TRAPPC9: variants seen among roughly 807,000 people sequenced by gnomAD.
The protein encoded by TRAPPC9 is trafficking protein particle complex subunit 9, also known as IKK2 binding protein.
In TRAPPC9, 83 loss-of-function variants were observed where a neutral mutation model predicts 124.0. That is an observed-to-expected ratio of 0.67 (90% CI 0.56 to 0.80). TRAPPC9 has a LOEUF of 0.80. TRAPPC9 is among the 30% of genes least tolerant of loss of function. The pLI, the probability that TRAPPC9 is intolerant of heterozygous loss-of-function variation, is 0.00. For synonymous variants in TRAPPC9, 638 were observed against 617.5 expected (o/e 1.03, Z -0.49); for missense variants, 1,302 against 1,508.3 (o/e 0.86, Z 2.27).
intron 21 of TRAPPC9, among the ~76,000 whole-genome samples, chr8:139,863,375 G>C (rs1223256490): frequency 6.6e-6 from 1 of 152,226 alleles, no homozygotes; most frequent in Non-Finnish European, 1.5e-5. Flanking sequence ...GGCACGGAGG[G>C]CCCAAAGAAG....
intron 17 of TRAPPC9, among the ~76,000 whole-genome samples, chr8:140,051,537 C>T (rs1842000472): frequency 6.6e-6 from 1 of 151,896 alleles, no homozygotes; most frequent in Admixed American, 6.6e-5. Flanking sequence ...GCTTCCTCCT[C>T]CCACCCCATG....
intron 21 of TRAPPC9, among the ~76,000 whole-genome samples, chr8:139,882,948 C>T (rs947299465): frequency 2.6e-5 from 4 of 152,198 alleles, no homozygotes; most frequent in Middle Eastern, 6.8e-3. Context: ...CCTGAGCCCC[C>T]CTATGAAAAA....
chr8:139,864,141 G>A (rs1828362724), intron 21 of TRAPPC9, among the ~76,000 whole-genome samples: 1 of 152,172 alleles, frequency 6.6e-6, no homozygotes, highest in African/African-American at 2.4e-5. Context: ...TGGCGCCCAG[G>A]ACTCTTTCCT....
At chr8:140,018,094 C>A (rs1031285119) in intron 18 of TRAPPC9, among the ~76,000 whole-genome samples, 1 of 152,058 alleles carries the variant, frequency 6.6e-6, no homozygotes, top group African/African-American at 2.4e-5. Context: ...CCACCTGCCT[C>A]GGCCTCTCGA....
At chr8:140,203,272 A>G (rs191937965) in intron 17 of TRAPPC9, among the ~76,000 whole-genome samples, 12 of 152,338 alleles carry the variant, frequency 7.9e-5, no homozygotes, top group Non-Finnish European at 1.8e-4. Flanking sequence ...GTATTCATAT[A>G]CGCAGGTCAT....
intron 17 of TRAPPC9, among the ~76,000 whole-genome samples, chr8:140,136,976 AAGG>A (rs1644506199): frequency 6.6e-6 from 1 of 152,140 alleles, no homozygotes; most frequent in Non-Finnish European, 1.5e-5. Flanking sequence ...CCCAAGGTTG[AAGG>A]AGGAGGGACA....
At position 140,198,902 on chromosome 8, in the gene TRAPPC9, A is replaced by C. The variant is rs113989704; in HGVS notation, c.2556+22557T>G. Among the ~76,000 whole-genome samples the C allele has an allele frequency of 4.6e-5, 7 of 152,294 alleles. 1 individual carries two copies. The highest frequency in any genetic ancestry group is 1.7e-4 in the African/African-American group (7 of 41,550). ...CAGCAAATATTTATTAGCACATTCA[A>C]CGTGCCAGATACAGTGCTTGCAATG... On this transcript the variant is annotated intron_variant, in intron 17 of 22. Transcript: ENST00000438773.
At position 140,127,412 on chromosome 8, in the gene TRAPPC9, A is replaced by C. The variant is rs1056549989; in HGVS notation, c.2556+94047T>G. On this transcript the variant is annotated intron_variant, in intron 17 of 22. Transcript: ENST00000438773. ...TTTTTGGTGATTTTAATCATACATC[A>C]TACCCTATAAAACGCATTATCATAC... Among the ~76,000 whole-genome samples, 3 of 152,240 alleles carry C rather than the reference A, an allele frequency of 2.0e-5. No homozygotes were observed. In the South Asian group the frequency reaches 6.2e-4, roughly 32 times the overall value.
chr8:139,759,570 G>A (rs1189386834), intron 21 of TRAPPC9, among the ~76,000 whole-genome samples: 1 of 152,098 alleles, frequency 6.6e-6, no homozygotes, highest in Non-Finnish European at 1.5e-5. Flanking sequence ...GGGCTACAGC[G>A]GTTCCTCTGC....
At chr8:140,349,119 G>T (rs1184810048) in intron 9 of TRAPPC9, among the ~76,000 whole-genome samples, 1 of 135,530 alleles carries the variant, frequency 7.4e-6, no homozygotes, top group Non-Finnish European at 1.6e-5. Context: ...GGCTGAAGAC[G>T]GCGCACGAGG....
intron 15 of TRAPPC9, among the ~76,000 whole-genome samples, chr8:140,273,628 G>A (rs909882333): frequency 2.6e-5 from 4 of 152,086 alleles, no homozygotes; most frequent in African/African-American, 9.7e-5. Flanking sequence ...GTAACCCCTC[G>A]GCATTCCTGC....
At chr8:140,215,554 G>A (rs2063171257) in intron 17 of TRAPPC9, among the ~76,000 whole-genome samples, 1 of 151,730 alleles carries the variant, frequency 6.6e-6, no homozygotes, top group Admixed American at 6.6e-5. Context: ...GCTGAGGCAG[G>A]AGAATTGCTT....
rs575302494 is a variant in TRAPPC9, at chr8:139,890,051, C to T, written c.2965-4082G>A. On this transcript the variant is annotated intron_variant, in intron 20 of 22. Coordinates refer to ENST00000438773, the MANE Select transcript of TRAPPC9 (RefSeq NM_001160372.4). ...ACGATGAGGACGGAGGCCGCCGCCC[C>T]GGGCCTGTTTTGAGCGCCAGCAGCA... 1.2e-4 allele frequency among the ~76,000 whole-genome samples: 18 copies of T among 152,360 alleles called. No homozygotes were observed. The South Asian group carries it at 2.3e-3, about 19-fold the overall frequency.
Position 140,353,005 on chromosome 8 carries a change from T to A in TRAPPC9, c.1495+7045A>T, listed in dbSNP as rs1036782449. ...GGCACTTCAGGTGTGTCATCTCCAATCCTTAAAACAATCCCACAAGGTAGA... is the reference window on the plus strand; with the variant it reads ...GGCACTTCAGGTGTGTCATCTCCAAACCTTAAAACAATCCCACAAGGTAGA... On this transcript the variant is annotated intron_variant, in intron 9 of 22. Transcript: ENST00000438773. The surrounding 1 kb of genome is among the most constrained non-coding windows in gnomAD (Gnocchi z 4.2). 6.6e-6 allele frequency among the ~76,000 whole-genome samples: 1 copy of A among 152,052 alleles called. No homozygotes were observed. Among genetic ancestry groups the A allele is most frequent in the Non-Finnish European group, 1.5e-5 (1 of 68,016 alleles).
At chr8:140,227,026 A>G (rs1033540586) in intron 16 of TRAPPC9, among the ~76,000 whole-genome samples, 1 of 152,170 alleles carries the variant, frequency 6.6e-6, no homozygotes, top group Non-Finnish European at 1.5e-5. Flanking sequence ...AAATCCAACT[A>G]AAGATACAAA....
rs537642478 is a variant in TRAPPC9 at position 139,816,938 on chromosome 8, T to A, written c.3055+68941A>T. Among the ~76,000 whole-genome samples the A allele has an allele frequency of 9.9e-5, 15 of 152,234 alleles. No individual in the cohort carries two copies. The East Asian group carries it at 2.7e-3, about 28-fold the overall frequency. On this transcript the variant is annotated intron_variant, in intron 21 of 22. Transcript: ENST00000438773. ...TTTAATAACCATCTTCTTCTTTTTCTCCTTTTGCTCCAGATGATATGCATT... is the reference window on the plus strand; with the variant it reads ...TTTAATAACCATCTTCTTCTTTTTCACCTTTTGCTCCAGATGATATGCATT...
At chr8:140,273,410 C>A (rs1190635036) in intron 15 of TRAPPC9, among the ~76,000 whole-genome samples, 1 of 152,236 alleles carries the variant, frequency 6.6e-6, no homozygotes, top group Non-Finnish European at 1.5e-5. Flanking sequence ...TGGCCACCGA[C>A]AGCTGTGATC....
At chr8:140,215,863 A>T (rs2063179151) in intron 17 of TRAPPC9, 1 of 152,086 alleles carries the variant, frequency 6.6e-6, no homozygotes, top group African/African-American at 2.4e-5. Context: ...CTCAGTTCCC[A>T]CGCTAAAGCC....
chr8:140,275,277 G>A (rs2065076928), intron 15 of TRAPPC9, among the ~76,000 whole-genome samples: 1 of 152,196 alleles, frequency 6.6e-6, no homozygotes, highest in Non-Finnish European at 1.5e-5. Context: ...GATGCATGAT[G>A]GGTTGGATCC....
Sources: gnomAD v4.1 joint callset for allele counts (sites outside exome capture counted in the v4.1 genomes callset) on GRCh38, gnomAD v4.1.1 for gene constraint, Gnocchi (gnomAD v3.1) non-coding constraint, MANE v1.5 for transcripts, NCBI Gene and HGNC (gene_info 2026-07-23, HGNC 2026-07-21) for gene names.